HPCA: variants seen among roughly 807,000 people sequenced by gnomAD.
HPCA encodes hippocalcin.
A neutral mutation model predicts 18.2 loss-of-function variants in HPCA; 4 were observed. That is an observed-to-expected ratio of 0.22 (90% confidence interval 0.11 to 0.50). The LOEUF (loss-of-function observed/expected upper bound fraction) is 0.50, where lower values mean the gene tolerates loss of function less well. Among genes scored for constraint, HPCA ranks in the 20% least tolerant of loss-of-function variants. HPCA has a pLI of 0.97. For missense variants in HPCA, 161 were observed against 265.8 expected (o/e 0.61, Z 2.74); for synonymous variants, 93 against 103.5 (o/e 0.90, Z 0.61).
chr1:32,891,510 AC>A, intron 2 of HPCA, among the ~76,000 whole-genome samples: 1 of 152,222 alleles, frequency 6.6e-6, no homozygotes, highest in Non-Finnish European at 1.5e-5. Flanking sequence ...TCATCTGGGA[AC>A]CAGGGGACTA....
chr1:32,893,662 G>A lies in HPCA; in HGVS notation c.484+33G>A, dbSNP rs777345595. ...GCAGGGGCGGGACGGGGTGGACGGG[G>A]CGGGCGCCTTTCCCTCCCTCCCTCC... On this transcript the variant is annotated intron_variant, in intron 3 of 3. Coordinates refer to ENST00000373467, the MANE Select transcript of HPCA (RefSeq NM_002143.3). The surrounding 1 kb of genome is among the most constrained non-coding windows in gnomAD (Gnocchi z 7.5). 6.4e-7 allele frequency: 1 copy of A among 1,557,554 alleles called. No homozygotes were observed.
Position 32,889,210 on chromosome 1 carries a change from C to T in HPCA, c.312C>T (p.Ala104=), listed in dbSNP as rs1256404172. 1.1e-5 allele frequency: 17 copies of T among 1,614,114 alleles called. No individual in the cohort carries two copies. The highest frequency in any genetic ancestry group is 1.6e-4 in the Middle Eastern group (1 of 6,084). ...RGRLEQKLMW[A]FSMYDLDGNG... Reference sequence around the variant, plus strand: ...GCCTGGAGCAGAAGCTCATGTGGGCCTTCAGCATGTATGACCTGGACGGCA... The same window carrying T: ...GCCTGGAGCAGAAGCTCATGTGGGCTTTCAGCATGTATGACCTGGACGGCA... The change falls in exon 2 of 4, where the codon GCC becomes GCT. Residue 104 remains alanine (A), a synonymous_variant. Transcript: ENST00000373467. This position sits in a 1 kb window ranked among gnomAD's most constrained non-coding sequence, Gnocchi z 4.6.
chr1:32,889,361 CG>C lies in HPCA; in HGVS notation c.378+86del. On this transcript the variant is annotated intron_variant, in intron 2 of 3. Transcript: ENST00000373467. This position sits in a 1 kb window ranked among gnomAD's most constrained non-coding sequence, Gnocchi z 4.6. Reference sequence around the variant, plus strand: ...CCCTTTTGATCCTCTCAGCAGACCTCGTAGGCATGTGGTGGCAGGGGATATT... The same window carrying C: ...CCCTTTTGATCCTCTCAGCAGACCTCTAGGCATGTGGTGGCAGGGGATATT... The C allele has an allele frequency of 7.2e-7, 1 of 1,382,108 alleles. No individual in the cohort carries two copies. The allele number at this position is 1,382,108 out of a possible 1,614,324, so 85.6% of individuals were successfully genotyped here.
chr1:32,888,714 G>A (rs1641408835), intron 1 of HPCA, among the ~76,000 whole-genome samples, 164 bp from the exon 2 acceptor site: 1 of 152,126 alleles, frequency 6.6e-6, no homozygotes, highest in South Asian at 2.1e-4. Context: ...ATAGATACAG[G>A]ATGCCTGGGT....
chr1:32,894,171 T>A lies in HPCA; in HGVS notation c.*309T>A, dbSNP rs1557542703. 1 of 359,854 alleles carries A rather than the reference T, an allele frequency of 2.8e-6. No individual in the cohort carries two copies. The highest frequency in any genetic ancestry group is 2.1e-5 in the African/African-American group (1 of 48,466). The allele number at this position is 359,854 out of a possible 1,614,324, so 22.3% of individuals were successfully genotyped here. ...CCCCTCCCCCAAAGGGGCAGTCCCCTTCTTGCAGGTCTCAGCTTGCGGGGT... is the reference window on the plus strand; with the variant it reads ...CCCCTCCCCCAAAGGGGCAGTCCCCATCTTGCAGGTCTCAGCTTGCGGGGT... On this transcript the variant is annotated 3_prime_UTR_variant, in exon 4 of 4. Coordinates refer to ENST00000373467, the MANE Select transcript of HPCA (RefSeq NM_002143.3).
rs1412380691 is a variant in HPCA, at chr1:32,889,968, AGT to A, written c.378+694_378+695del. On this transcript the variant is annotated intron_variant, in intron 2 of 3. Coordinates refer to ENST00000373467, the MANE Select transcript of HPCA (RefSeq NM_002143.3). This position sits in a 1 kb window ranked among gnomAD's most constrained non-coding sequence, Gnocchi z 4.6. ...TGCTTGAGGCCACACAGCCTGTGTGAGTGGGCCATCTGGCACCACTGTCTACA... is the reference window on the plus strand; with the variant it reads ...TGCTTGAGGCCACACAGCCTGTGTGAGGGCCATCTGGCACCACTGTCTACA... Among the ~76,000 whole-genome samples, 1 of 152,218 alleles carries A rather than the reference AGT, an allele frequency of 6.6e-6. No homozygotes were observed. The highest frequency in any genetic ancestry group is 1.5e-5 in the Non-Finnish European group (1 of 68,036).
Position 32,894,119 on chromosome 1 carries a change from T to G in HPCA, c.*257T>G. 1 of 475,008 alleles carries G rather than the reference T, an allele frequency of 2.1e-6. No individual in the cohort carries two copies. Among genetic ancestry groups the G allele is most frequent in the African/African-American group, 1.9e-5 (1 of 51,298 alleles). 29.4% of individuals were successfully genotyped at this position (475,008 alleles called of 1,614,324 possible). ...GGTCTGCCCCTCAGTCAGGCCCCCT[T>G]ACCCACCCACCAGCCCCAAGGCCCG... On this transcript the variant is annotated 3_prime_UTR_variant, in exon 4 of 4. Coordinates refer to ENST00000373467, the MANE Select transcript of HPCA (RefSeq NM_002143.3).
At chr1:32,891,272 C>T (rs1232169981) in intron 2 of HPCA, among the ~76,000 whole-genome samples, 1 of 152,216 alleles carries the variant, frequency 6.6e-6, no homozygotes, top group Non-Finnish European at 1.5e-5. Flanking sequence ...AGTTGGCTCC[C>T]ATGAAACCAT....
Position 32,886,820 on chromosome 1 carries a change from G to A in HPCA, c.-22+305G>A, listed in dbSNP as rs1459818247. On this transcript the variant is annotated intron_variant, in intron 1 of 3. Coordinates refer to ENST00000373467, the MANE Select transcript of HPCA (RefSeq NM_002143.3). This position sits in a 1 kb window ranked among gnomAD's most constrained non-coding sequence, Gnocchi z 7.0. ...CGGGGGCTGGGGGACAGAGCTGAGG[G>A]AGGTTTGGAGCGGGTCCCCGGGGCT... 6.6e-6 allele frequency among the ~76,000 whole-genome samples: 1 copy of A among 152,194 alleles called. No homozygotes were observed. The highest frequency in any genetic ancestry group is 6.5e-5 in the Admixed American group (1 of 15,292).
intron 2 of HPCA, among the ~76,000 whole-genome samples, chr1:32,892,586 C>A (rs973702459): frequency 6.6e-6 from 1 of 151,964 alleles, no homozygotes; most frequent in East Asian, 1.9e-4. Context: ...AGGCTGGGGA[C>A]GTAACAGTGG....
At chr1:32,891,213 C>T (rs565724439) in intron 2 of HPCA, among the ~76,000 whole-genome samples, 101 of 152,352 alleles carry the variant, frequency 6.6e-4, no homozygotes, top group African/African-American at 2.2e-3. Context: ...GGGCCCCAGA[C>T]AGCTGGTGCA....
intron 2 of HPCA, among the ~76,000 whole-genome samples, chr1:32,892,923 C>T (rs1641480578): frequency 1.3e-5 from 2 of 152,210 alleles, no homozygotes; most frequent in Non-Finnish European, 2.9e-5. Context: ...CCAGCCCAGC[C>T]TAGCCAAGCC....
At position 32,888,984 on chromosome 1, in the gene HPCA, A is replaced by G; in HGVS notation, c.86A>G (p.Glu29Gly). 1 of 1,614,096 alleles carries G rather than the reference A, an allele frequency of 6.2e-7. No homozygotes were observed. The highest frequency in any genetic ancestry group is 8.5e-7 in the Non-Finnish European group (1 of 1,180,006). The change falls in exon 2 of 4, where the codon GAG (glutamate) becomes GGG (glycine). Residue 29 changes from glutamate (E) to glycine (G), a missense_variant. By Grantham distance (98) the Glu-to-Gly change is moderately conservative. Coordinates refer to ENST00000373467, the MANE Select transcript of HPCA (RefSeq NM_002143.3). ...NTEFSELELQEWYKGFLKDCP... is the reference protein window; with the variant it reads ...NTEFSELELQGWYKGFLKDCP... Reference sequence around the variant, plus strand: ...GAGTTCTCAGAGCTGGAGCTGCAGGAGTGGTACAAGGGCTTCCTCAAGGAC... The same window carrying G: ...GAGTTCTCAGAGCTGGAGCTGCAGGGGTGGTACAAGGGCTTCCTCAAGGAC...
At chr1:32,886,192 C>G (rs535280701), upstream of HPCA, 2 of 152,274 alleles carry the variant, frequency 1.3e-5, no homozygotes, top group East Asian at 3.9e-4. This position sits in a 1 kb window ranked among gnomAD's most constrained non-coding sequence, Gnocchi z 7.0. Flanking sequence ...CCTCTTGGCA[C>G]TACCGTGTCC....
intron 2 of HPCA, among the ~76,000 whole-genome samples, chr1:32,891,915 C>G (rs1191054235): frequency 7.9e-5 from 12 of 152,218 alleles, no homozygotes; most frequent in African/African-American, 2.7e-4. Context: ...TAAGAGGGAA[C>G]AGGTACAAAT....
Position 32,894,561 on chromosome 1 carries a change from C to A in HPCA, c.*699C>A. On this transcript the variant is annotated 3_prime_UTR_variant, in exon 4 of 4. Coordinates refer to ENST00000373467, the MANE Select transcript of HPCA (RefSeq NM_002143.3). ...GCTGAGCCCCTGTCCTCCCCTCTGT[C>A]CCCCCAACCGCCCCCCCTGCATGCA... 2.0e-5 allele frequency: 8 copies of A among 402,654 alleles called. No homozygotes were observed. Among genetic ancestry groups the A allele is most frequent in the East Asian group, 4.1e-5 (1 of 24,392 alleles). The allele number at this position is 402,654 out of a possible 1,614,324, so 24.9% of individuals were successfully genotyped here. A position where few individuals can be genotyped will look rare whatever the true frequency, so the allele number is the denominator to read the frequency against.
chr1:32,891,489 G>A (rs1478056171), intron 2 of HPCA, among the ~76,000 whole-genome samples: 1 of 152,178 alleles, frequency 6.6e-6, no homozygotes, highest in Non-Finnish European at 1.5e-5. Context: ...AGTGACAGGG[G>A]TGTAAAGGTG....
In HPCA at chr1:32,894,496, T is replaced by C. The variant is rs960737997; in HGVS notation, c.*634T>C. Reference sequence around the variant, plus strand: ...ATGGGCAGATGCACCCAGAGCCCCATGCACAGTGTCCTGCGTGGGAAAGAG... The same window carrying C: ...ATGGGCAGATGCACCCAGAGCCCCACGCACAGTGTCCTGCGTGGGAAAGAG... On this transcript the variant is annotated 3_prime_UTR_variant, in exon 4 of 4. Transcript: ENST00000373467. 4 of 361,858 alleles carry C rather than the reference T, an allele frequency of 1.1e-5. No homozygotes were observed. The highest frequency in any genetic ancestry group is 2.1e-5 in the Non-Finnish European group (4 of 192,208). The allele number at this position is 361,858 out of a possible 1,614,324, so 22.4% of individuals were successfully genotyped here.
chr1:32,892,384 G>A (rs928490265), intron 2 of HPCA, among the ~76,000 whole-genome samples: 5 of 152,204 alleles, frequency 3.3e-5, no homozygotes, highest in African/African-American at 1.2e-4. Context: ...CTGGAGAGAT[G>A]TCTGCAAAGG....
Sources: allele counts gnomAD v4.1 joint callset (sites outside exome capture counted in the v4.1 genomes callset), GRCh38; gene constraint gnomAD v4.1.1; non-coding constraint Gnocchi (gnomAD v3.1); transcripts MANE v1.5; gene names NCBI Gene and HGNC (gene_info 2026-07-23, HGNC 2026-07-21).